GRID2: variants seen among roughly 807,000 people sequenced by gnomAD.
The protein encoded by GRID2 is glutamate receptor ionotropic, delta-2.
Under a neutral mutation model 114.8 loss-of-function variants are expected in GRID2, and 33 were observed. The observed-to-expected ratio is 0.29, with a 90% CI of 0.22 to 0.38. The LOEUF (loss-of-function observed/expected upper bound fraction) is 0.38, where lower values mean the gene tolerates loss of function less well. Ranked by LOEUF, GRID2 falls within the 10% of genes least tolerant of loss-of-function variation. GRID2 has a pLI of 1.00. For missense variants in GRID2, 1,184 were observed against 1,257.7 expected, an observed-to-expected ratio of 0.94 and a Z score of 0.89; for synonymous variants, 505 against 449.9, an observed-to-expected ratio of 1.12 and a Z score of -1.55.
intron 9 of GRID2, among the ~76,000 whole-genome samples, chr4:93,397,525 A>T (rs1286426037): frequency 6.6e-6 from 1 of 151,990 alleles, no homozygotes; most frequent in East Asian, 1.9e-4. Context: ...GTTTTAAGCA[A>T]ATAGTTATTT....
At chr4:93,048,292 T>TA (rs1726357501) in intron 2 of GRID2, among the ~76,000 whole-genome samples, 1 of 152,104 alleles carries the variant, frequency 6.6e-6, no homozygotes, top group Non-Finnish European at 1.5e-5. Context: ...GTGCAGTTTT[T>TA]ATCCTTTCTC....
chr4:92,807,777 T>C (rs1352221220), intron 2 of GRID2, among the ~76,000 whole-genome samples: 1 of 151,974 alleles, frequency 6.6e-6, no homozygotes, highest in East Asian at 1.9e-4. Flanking sequence ...ACATAGTTTT[T>C]CTAACTTCTA....
chr4:92,480,254 G>C (rs1722517071), intron 1 of GRID2, among the ~76,000 whole-genome samples: 1 of 152,048 alleles, frequency 6.6e-6, no homozygotes, highest in African/African-American at 2.4e-5. Context: ...GAATTGTCTT[G>C]CTTTAAGTGA....
At chr4:93,322,295 T>C (rs959819395) in intron 8 of GRID2, among the ~76,000 whole-genome samples, 10 of 151,874 alleles carry the variant, frequency 6.6e-5, no homozygotes, top group Admixed American at 5.2e-4. Context: ...GAACATGTGG[T>C]GTTTGGTTTT....
intron 2 of GRID2, among the ~76,000 whole-genome samples, chr4:93,042,297 C>CTA (rs760571539): frequency 3.3e-3 from 325 of 99,422 alleles, no homozygotes; most frequent in East Asian, 6.5e-3. Context: ...CTCTCTCTCT[C>CTA]TCTATATATA....
chr4:93,675,651 C>T (rs1008759711), intron 14 of GRID2, among the ~76,000 whole-genome samples: 1 of 152,090 alleles, frequency 6.6e-6, no homozygotes, highest in Non-Finnish European at 1.5e-5. Context: ...CAGTGGATCC[C>T]GAGCTCACAC....
At chr4:92,815,765 A>G (rs867939673) in intron 2 of GRID2, among the ~76,000 whole-genome samples, 39 of 151,368 alleles carry the variant, frequency 2.6e-4, no homozygotes, top group African/African-American at 9.0e-4. Context: ...AAATAAATAA[A>G]TAAAAACTAA....
intron 12 of GRID2, among the ~76,000 whole-genome samples, chr4:93,502,877 G>A (rs1375722800): frequency 6.6e-6 from 1 of 152,004 alleles, no homozygotes; most frequent in Non-Finnish European, 1.5e-5. Context: ...AAAGCTGGCT[G>A]GTGGGCTGCT....
chr4:93,170,409 A>C (rs764099465), intron 4 of GRID2, among the ~76,000 whole-genome samples: 37 of 152,138 alleles, frequency 2.4e-4, no homozygotes, highest in Non-Finnish European at 5.1e-4. Context: ...TGTAATAAAC[A>C]ATGGAATCCA....
At chr4:92,696,482 C>T (rs1427687917) in intron 2 of GRID2, among the ~76,000 whole-genome samples, 1 of 151,988 alleles carries the variant, frequency 6.6e-6, no homozygotes, top group African/African-American at 2.4e-5. Context: ...TGTTAACTCC[C>T]AGATAATTTA....
At chr4:92,676,170 C>CCCCTTT (rs1491203329) in intron 2 of GRID2, among the ~76,000 whole-genome samples, 9 of 49,820 alleles carry the variant, frequency 1.8e-4, no homozygotes, top group Non-Finnish European at 2.6e-4. Context: ...CCCCCCCCCC[C>CCCCTTT]TTTTTTTTTT....
chr4:93,013,628 A>G (rs533956800), intron 2 of GRID2, among the ~76,000 whole-genome samples: 88 of 152,058 alleles, frequency 5.8e-4, no homozygotes, highest in African/African-American at 2.0e-3. Context: ...GTATACATGT[A>G]TGTATTGCCT....
intron 1 of GRID2, among the ~76,000 whole-genome samples, chr4:92,314,518 AT>A (rs1439290364): frequency 6.6e-6 from 1 of 152,124 alleles, no homozygotes; most frequent in Non-Finnish European, 1.5e-5. Flanking sequence ...AAAAGGATAT[AT>A]GTGTTGAGGA....
intron 14 of GRID2, among the ~76,000 whole-genome samples, chr4:93,691,501 A>G (rs1199691157): frequency 3.3e-5 from 5 of 152,186 alleles, no homozygotes; most frequent in Admixed American, 3.3e-4. Context: ...CTGAGTTCAA[A>G]TCTCAACTTT....
chr4:93,187,925 A>G (rs751938643), intron 4 of GRID2, among the ~76,000 whole-genome samples: 2 of 152,250 alleles, frequency 1.3e-5, no homozygotes, highest in Non-Finnish European at 2.9e-5. Context: ...TGGGTCAAGC[A>G]TCGGGCCCCC....
chr4:93,463,764 T>C (rs926181986), intron 11 of GRID2, among the ~76,000 whole-genome samples: 72 of 151,544 alleles, frequency 4.8e-4, no homozygotes, highest in Non-Finnish European at 8.7e-4. Context: ...CCAAGGTGGG[T>C]GGATCAGGAG....
intron 8 of GRID2, among the ~76,000 whole-genome samples, chr4:93,287,831 A>C (rs9997098): frequency 6.6e-6 from 1 of 151,876 alleles, no homozygotes; most frequent in Non-Finnish European, 1.5e-5. Flanking sequence ...CAATACCTAG[A>C]TGGGATTTCT....
intron 2 of GRID2, among the ~76,000 whole-genome samples, chr4:93,030,026 A>G (rs1453023742): frequency 6.6e-6 from 1 of 152,178 alleles, no homozygotes; most frequent in Non-Finnish European, 1.5e-5. Flanking sequence ...CATTTTCATC[A>G]TTGAATCAAA....
At chr4:92,493,493 A>T (rs1723245891) in intron 1 of GRID2, among the ~76,000 whole-genome samples, 1 of 152,150 alleles carries the variant, frequency 6.6e-6, no homozygotes, top group South Asian at 2.1e-4. Flanking sequence ...TCTGAGACTA[A>T]CCTTCAATTA....
Sources: allele counts gnomAD v4.1 joint callset (sites outside exome capture counted in the v4.1 genomes callset), GRCh38; gene constraint gnomAD v4.1.1; transcripts MANE v1.5; gene names NCBI Gene and HGNC (gene_info 2026-07-23, HGNC 2026-07-21).